The following PROSER2 variants were observed in gnomAD, a reference collection of about 807,000 sequenced individuals.
The protein encoded by PROSER2 is proline and serine rich 2.
Under a neutral mutation model 14.6 loss-of-function variants are expected in PROSER2, and 18 were observed. The observed-to-expected ratio is 1.23, with a 90% CI of 0.85 to 1.83. PROSER2 has a LOEUF of 1.83. Among genes scored for constraint, PROSER2 ranks in the 40% most tolerant of loss-of-function variants. The pLI is 0.00. For synonymous variants in PROSER2, 367 were observed against 286.4 expected (o/e 1.28, Z -2.84); for missense variants, 823 against 629.8 (o/e 1.31, Z -3.28).
intron 2 of PROSER2, among the ~76,000 whole-genome samples, chr10:11,861,006 T>C (rs531860807): frequency 1.3e-5 from 2 of 152,084 alleles, no homozygotes; most frequent in Non-Finnish European, 2.9e-5. Context: ...CCCTGGAGGC[T>C]GAGGCAGGAG....
At position 11,840,266 on chromosome 10, in the gene PROSER2, TAA is replaced by T. The variant is rs11290054; in HGVS notation, c.-81-11718_-81-11717del. Among the ~76,000 whole-genome samples the T allele has an allele frequency of 2.0e-3, 285 of 144,968 alleles. 2 individuals are homozygous for T. The highest frequency in any genetic ancestry group is 0.013 in the South Asian group (57 of 4,522). ...CCACGCTGTCCTCATTTGTTGTCAT[TAA>T]AAAAAAAAAAAAGAAAAACTCTTAT... On this transcript the variant is annotated intron_variant, in intron 1 of 3. Coordinates refer to ENST00000277570, the MANE Select transcript of PROSER2 (RefSeq NM_153256.4).
intron 1 of PROSER2, among the ~76,000 whole-genome samples, chr10:11,848,317 T>C (rs1833956760): frequency 6.6e-6 from 1 of 152,154 alleles, no homozygotes; most frequent in Non-Finnish European, 1.5e-5. Flanking sequence ...TACAGGCACC[T>C]GCCACCATGC....
intron 1 of PROSER2, among the ~76,000 whole-genome samples, chr10:11,840,772 A>G (rs1175664847): frequency 1.3e-5 from 2 of 151,474 alleles, no homozygotes; most frequent in Non-Finnish European, 2.9e-5. Context: ...TAAAAATACC[A>G]AAATTAGCTG....
intron 1 of PROSER2, among the ~76,000 whole-genome samples, chr10:11,828,535 C>T (rs1178598985): frequency 2.0e-5 from 3 of 152,008 alleles, no homozygotes; most frequent in Non-Finnish European, 4.4e-5. Context: ...AACCCCATCT[C>T]TACTAAAAAT....
At chr10:11,835,966 G>GA (rs1412663209) in intron 1 of PROSER2, among the ~76,000 whole-genome samples, 1 of 152,090 alleles carries the variant, frequency 6.6e-6, no homozygotes, top group Admixed American at 6.6e-5. Flanking sequence ...GAAGGTCAAG[G>GA]AAAACACAGC....
Position 11,836,392 on chromosome 10 carries a change from T to C in PROSER2, c.-82+12922T>C, listed in dbSNP as rs967446075. Among the ~76,000 whole-genome samples the C allele has an allele frequency of 1.3e-5, 2 of 152,092 alleles. No individual in the cohort carries two copies. The highest frequency in any genetic ancestry group is 1.3e-4 in the Admixed American group (2 of 15,268). ...TTGCATTTTTGGTAGAGATGGGGTTTCACCATGTTAGCCAGGCTGGTCTCG... is the reference window on the plus strand; with the variant it reads ...TTGCATTTTTGGTAGAGATGGGGTTCCACCATGTTAGCCAGGCTGGTCTCG... On this transcript the variant is annotated intron_variant, in intron 1 of 3. Transcript: ENST00000277570. The surrounding 1 kb of genome is among the most constrained non-coding windows in gnomAD (Gnocchi z 4.6).
chr10:11,855,886 G>A (rs1441416715), intron 2 of PROSER2, among the ~76,000 whole-genome samples: 2 of 152,182 alleles, frequency 1.3e-5, no homozygotes, highest in Non-Finnish European at 2.9e-5. Flanking sequence ...GTTCTAAGAG[G>A]GCAGTGAACA....
chr10:11,870,650 T>G lies in PROSER2; in HGVS notation c.*244T>G. 2.3e-6 allele frequency: 1 copy of G among 436,988 alleles called. No individual in the cohort carries two copies. Among genetic ancestry groups the G allele is most frequent in the East Asian group, 4.0e-5 (1 of 25,116 alleles). 27.1% of individuals were successfully genotyped at this position (436,988 alleles called of 1,614,324 possible). On this transcript the variant is annotated 3_prime_UTR_variant, in exon 4 of 4. Transcript: ENST00000277570. ...ATCTGGCCGAGGGCTTGTCTCCCTT[T>G]TCCCAAGAACTGAGAGAGAGAGAAT... is the stretch of plus-strand genomic sequence containing the variant.
intron 1 of PROSER2, among the ~76,000 whole-genome samples, chr10:11,839,460 T>C (rs1223659036): frequency 6.6e-6 from 1 of 152,214 alleles, no homozygotes; most frequent in Non-Finnish European, 1.5e-5. Flanking sequence ...TGGATAGAAA[T>C]AAAACTTTCC....
chr10:11,864,689 A>G (rs1247987194), intron 2 of PROSER2, among the ~76,000 whole-genome samples: 1 of 151,660 alleles, frequency 6.6e-6, no homozygotes, highest in African/African-American at 2.4e-5. Flanking sequence ...CCCAGGTTCA[A>G]GTGATTCTCC....
At position 11,869,224 on chromosome 10, in the gene PROSER2, C is replaced by T. The variant is rs1366148987; in HGVS notation, c.392-266C>T. ...CAGGGGCTGGAGCCTCAGCAGCCCA[C>T]ATGGACGGAATGTCTCCTAGGTGTG... On this transcript the variant is annotated intron_variant, in intron 3 of 3. Coordinates refer to ENST00000277570, the MANE Select transcript of PROSER2 (RefSeq NM_153256.4). This position sits in a 1 kb window ranked among gnomAD's most constrained non-coding sequence, Gnocchi z 4.4. 1.8e-6 allele frequency: 1 copy of T among 545,104 alleles called. No individual in the cohort carries two copies. Among genetic ancestry groups the T allele is most frequent in the Non-Finnish European group, 3.3e-6 (1 of 305,436 alleles). 33.8% of individuals were successfully genotyped at this position (545,104 alleles called of 1,614,324 possible). A position where few individuals can be genotyped will look rare whatever the true frequency, so the allele number is the denominator to read the frequency against.
At position 11,871,349 on chromosome 10, in the gene PROSER2, A is replaced by C. The variant is rs10795903; in HGVS notation, c.*943A>C. On this transcript the variant is annotated 3_prime_UTR_variant, in exon 4 of 4. Transcript: ENST00000277570. Reference sequence around the variant, plus strand: ...CGTCTCCATGATATTTTGGTGAACCAAAAGTGCTTTATCCTCAACAAAATG... The same window carrying C: ...CGTCTCCATGATATTTTGGTGAACCCAAAGTGCTTTATCCTCAACAAAATG... 0.95 allele frequency: 145,036 copies of C among 152,300 alleles called. 69,430 individuals are homozygous for C. Among genetic ancestry groups the C allele is most frequent in the East Asian group, 1 (5,186 of 5,186 alleles). The allele number at this position is 152,300 out of a possible 1,614,324, so 9.4% of individuals were successfully genotyped here.
At chr10:11,841,206 G>A (rs1282359283) in intron 1 of PROSER2, among the ~76,000 whole-genome samples, 1 of 151,332 alleles carries the variant, frequency 6.6e-6, no homozygotes, top group Admixed American at 6.6e-5. Flanking sequence ...TATTCTTCCA[G>A]GAATTTGTCC....
chr10:11,839,300 C>G (rs1278734757), intron 1 of PROSER2, among the ~76,000 whole-genome samples: 2 of 152,012 alleles, frequency 1.3e-5, no homozygotes, highest in Non-Finnish European at 2.9e-5. Flanking sequence ...GAGGTATATT[C>G]TATATTCTTA....
rs1323088489 is a variant in PROSER2, at chr10:11,870,346, C to T, written c.1248C>T (p.Ser416=). ...CCGTGCAGTTCGCGGGCCGCGGCTC[C>T]TCGGAGGAGGCGCGCAGGGAGGCCC... is the stretch of plus-strand genomic sequence containing the variant. The part of the protein sequence containing the change: ...GITVQFAGRG[S]SEEARREALR... The change falls in exon 4 of 4, where the codon TCC becomes TCT. Residue 416 remains serine (S), a synonymous_variant. Coordinates refer to ENST00000277570, the MANE Select transcript of PROSER2 (RefSeq NM_153256.4). 6.6e-7 allele frequency: 1 copy of T among 1,509,360 alleles called. No homozygotes were observed. The highest frequency in any genetic ancestry group is 8.8e-7 in the Non-Finnish European group (1 of 1,131,288). The allele number at this position is 1,509,360 out of a possible 1,614,324, so 93.5% of individuals were successfully genotyped here.
In PROSER2 at chr10:11,869,709, G is replaced by C; in HGVS notation, c.611G>C (p.Arg204Thr). ...PLVMAQKISE[R>T]MAGNEALSPT... ...GTTATGGCGCAGAAGATTTCCGAGA[G>C]GATGGCGGGGAACGAAGCCCTCTCG... is the stretch of plus-strand genomic sequence containing the variant. The change falls in exon 4 of 4, where the codon AGG (arginine) becomes ACG (threonine). Residue 204 changes from arginine (R) to threonine (T), a missense_variant. By Grantham distance (71) the Arg-to-Thr change is moderately conservative. Transcript: ENST00000277570. This position sits in a 1 kb window ranked among gnomAD's most constrained non-coding sequence, Gnocchi z 4.4. 1 of 1,594,938 alleles carries C rather than the reference G, an allele frequency of 6.3e-7. No individual in the cohort carries two copies.
chr10:11,827,702 A>G (rs1833635364), intron 1 of PROSER2, among the ~76,000 whole-genome samples: 1 of 148,834 alleles, frequency 6.7e-6, no homozygotes, highest in African/African-American at 2.5e-5. Flanking sequence ...TTTTTGAGAC[A>G]TGGTCTCACT....
At chr10:11,841,809 G>T (rs1425962665) in intron 1 of PROSER2, among the ~76,000 whole-genome samples, 2 of 152,110 alleles carry the variant, frequency 1.3e-5, no homozygotes, top group Non-Finnish European at 2.9e-5. Flanking sequence ...GTTCTCCTAC[G>T]TATTCTGCAT....
chr10:11,850,875 TG>T (rs1834006158), intron 1 of PROSER2: 1 of 152,260 alleles, frequency 6.6e-6, no homozygotes, highest in Admixed American at 6.5e-5. Context: ...TAGAAGGCTT[TG>T]TTGAACTGTC....
Sources: gnomAD v4.1 joint callset for allele counts (sites outside exome capture counted in the v4.1 genomes callset) on GRCh38, gnomAD v4.1.1 for gene constraint, Gnocchi (gnomAD v3.1) non-coding constraint, MANE v1.5 for transcripts, NCBI Gene and HGNC (gene_info 2026-07-23, HGNC 2026-07-21) for gene names.